The following CYP4V2 variants were observed in gnomAD, a reference collection of about 807,000 sequenced individuals.
CYP4V2 encodes the protein cytochrome P450 4V2.
CYP4V2 carries 55 observed loss-of-function variants against 60.8 expected under a neutral mutation model. That is an observed-to-expected ratio of 0.90 (90% CI 0.73 to 1.13). The LOEUF (loss-of-function observed/expected upper bound fraction) is 1.13. Among genes scored for constraint, CYP4V2 ranks in the 50% most tolerant of loss-of-function variants. The pLI is 0.00. For synonymous variants in CYP4V2, 239 were observed against 236.8 expected (o/e 1.01, Z -0.08); for missense variants, 675 against 662.9 (o/e 1.02, Z -0.20).
At chr4:186,200,737 C>T (rs1229443722) in intron 6 of CYP4V2, among the ~76,000 whole-genome samples, 1 of 152,138 alleles carries the variant, frequency 6.6e-6, no homozygotes, top group African/African-American at 2.4e-5. Flanking sequence ...AGGGTGAATT[C>T]ACTAATCTGC....
At chr4:186,197,941 C>T (rs972564564) in intron 5 of CYP4V2, among the ~76,000 whole-genome samples, 1 of 152,112 alleles carries the variant, frequency 6.6e-6, no homozygotes, top group Non-Finnish European at 1.5e-5. Flanking sequence ...TAGAAAAAAA[C>T]TAGCAGATAT....
chr4:186,198,121 T>C (rs1014232259), intron 5 of CYP4V2, among the ~76,000 whole-genome samples: 2 of 152,186 alleles, frequency 1.3e-5, no homozygotes, highest in African/African-American at 4.8e-5. Flanking sequence ...TATTCACCTG[T>C]TAAAAGGCAG....
At chr4:186,207,265 C>T (rs937122737) in intron 8 of CYP4V2, among the ~76,000 whole-genome samples, 4 of 151,516 alleles carry the variant, frequency 2.6e-5, no homozygotes, top group African/African-American at 7.3e-5. Flanking sequence ...AAAAATTAGC[C>T]GGGCATGGTG....
In CYP4V2 at chr4:186,191,724, G is replaced by C; in HGVS notation, c.-100G>C. 2 of 1,157,196 alleles carry C rather than the reference G, an allele frequency of 1.7e-6. No individual in the cohort carries two copies. Among genetic ancestry groups the C allele is most frequent in the African/African-American group, 3.2e-5 (2 of 61,736 alleles). The allele number at this position is 1,157,196 out of a possible 1,614,324, so 71.7% of individuals were successfully genotyped here. A position where few individuals can be genotyped will look rare whatever the true frequency, so the allele number is the denominator to read the frequency against. ...CCGCAGCGGGGAGCGCGCCAGGTCC[G>C]CGCGGGGAAGTGGGCGGTGTGCGGC... On this transcript the variant is annotated 5_prime_UTR_variant, in exon 1 of 11. Coordinates refer to ENST00000378802, the MANE Select transcript of CYP4V2 (RefSeq NM_207352.4).
rs758769153 is a variant in CYP4V2 at position 186,196,980 on chromosome 4, C to T, written c.454C>T (p.Pro152Ser). Residue 152 changes from proline (P) to serine (S), a missense_variant, in exon 4 of 11, where the codon CCC becomes TCC. Pro to Ser is a moderately conservative substitution (Grantham distance 74, BLOSUM62 -1). Coordinates refer to ENST00000378802, the MANE Select transcript of CYP4V2 (RefSeq NM_207352.4). Reference sequence around the variant, plus strand: ...GCGCTCCAGGAGAAAGATGTTAACACCCACTTTCCATTTTACCATTCTGGA... The same window carrying T: ...GCGCTCCAGGAGAAAGATGTTAACATCCACTTTCCATTTTACCATTCTGGA... Reference protein sequence around the residue: ...KWRSRRKMLTPTFHFTILEDF... With the variant: ...KWRSRRKMLTSTFHFTILEDF... The T allele has an allele frequency of 1.9e-6, 3 of 1,613,570 alleles. No individual in the cohort carries two copies. Among genetic ancestry groups the T allele is most frequent in the African/African-American group, 1.3e-5 (1 of 75,030 alleles).
rs1424176311 is a variant in CYP4V2 at position 186,210,616 on chromosome 4, A to G, written c.1553A>G (p.Lys518Arg). ...AGTAATGGCATCTGGATCAAGTTGA[A>G]GAGGAGAAATGCAGATGAACGCTAA... ...RPSNGIWIKL[K>R]RRNADER The change falls in exon 11 of 11, where the codon AAG becomes AGG. Residue 518 changes from lysine (K) to arginine (R), a missense_variant. Physicochemically the swap from Lys to Arg is conservative, Grantham distance 26. Transcript: ENST00000378802. The G allele has an allele frequency of 1.2e-6, 2 of 1,614,022 alleles. No homozygotes were observed. Among genetic ancestry groups the G allele is most frequent in the Non-Finnish European group, 1.7e-6 (2 of 1,180,032 alleles).
chr4:186,201,287 G>C lies in CYP4V2; in HGVS notation c.932G>C (p.Gly311Ala). The C allele has an allele frequency of 6.2e-7, 1 of 1,614,140 alleles. No homozygotes were observed. The highest frequency in any genetic ancestry group is 8.5e-7 in the Non-Finnish European group (1 of 1,180,038). Reference protein sequence around the residue: ...DLLLSVTDDEGNRLSHEDIRE... With the variant: ...DLLLSVTDDEANRLSHEDIRE... ...CTTTTAAGTGTGACTGATGACGAAG[G>C]GAACAGGCTAAGTCATGAAGATATT... Residue 311 changes from glycine (G) to alanine (A), a missense_variant, in exon 7 of 11, where the codon GGG (glycine) becomes GCG (alanine). By Grantham distance (60) the Gly-to-Ala change is moderately conservative (BLOSUM62 0). Coordinates refer to ENST00000378802, the MANE Select transcript of CYP4V2 (RefSeq NM_207352.4).
chr4:186,196,716 A>G (rs1736158183), intron 3 of CYP4V2: 1 of 540,860 alleles, frequency 1.8e-6, no homozygotes, highest in Admixed American at 3.5e-5. Context: ...GTATAGAACA[A>G]TGTCCAAAAT....
intron 5 of CYP4V2, among the ~76,000 whole-genome samples, chr4:186,198,324 C>T (rs1736215174): frequency 6.6e-6 from 1 of 152,166 alleles, no homozygotes; most frequent in African/African-American, 2.4e-5. Flanking sequence ...CAAAGAAATT[C>T]ATGAACTGTA....
chr4:186,209,900 T>C (rs560442868), intron 10 of CYP4V2, among the ~76,000 whole-genome samples: 4 of 152,224 alleles, frequency 2.6e-5, no homozygotes, highest in Admixed American at 6.5e-5. Context: ...CTTATTGTGG[T>C]AAAAACTTTA....
rs763092047 is a variant in CYP4V2, at chr4:186,210,647, T to C, written c.*6T>C. The C allele has an allele frequency of 8.7e-6, 14 of 1,614,042 alleles. No homozygotes were observed. The South Asian group carries it at 1.3e-4, about 15-fold the overall frequency. On this transcript the variant is annotated 3_prime_UTR_variant, in exon 11 of 11. Coordinates refer to ENST00000378802, the MANE Select transcript of CYP4V2 (RefSeq NM_207352.4). ...GAAATGCAGATGAACGCTAACTATA[T>C]TATTGGGTTGTGCCTTTATCATGAG...
intron 8 of CYP4V2, among the ~76,000 whole-genome samples, chr4:186,205,954 CAGGG>C (rs1320000003): frequency 2.0e-5 from 3 of 152,152 alleles, no homozygotes; most frequent in African/African-American, 4.8e-5. Context: ...AATCCACAGA[CAGGG>C]AGGTTCACAG....
chr4:186,199,389 A>G (rs556108307), intron 6 of CYP4V2, among the ~76,000 whole-genome samples: 21 of 152,376 alleles, frequency 1.4e-4, no homozygotes, highest in African/African-American at 4.6e-4. Context: ...GTCAACAAAT[A>G]TTAATTAAGT....
intron 8 of CYP4V2, among the ~76,000 whole-genome samples, chr4:186,206,014 TCAGTGTCATTGAGCC>T (rs1239384752): frequency 6.6e-6 from 1 of 152,134 alleles, no homozygotes; most frequent in East Asian, 1.9e-4. Flanking sequence ...GAGTCAAAGA[TCAGTGTCATTGAGCC>T]CACATCACCA....
intron 7 of CYP4V2, chr4:186,204,548 C>T (rs1183149787): frequency 5.5e-6 from 1 of 183,424 alleles, no homozygotes; most frequent in Admixed American, 5.4e-5. Flanking sequence ...ACGCCGCAGG[C>T]TCAGTTTCTG....
At position 186,192,025 on chromosome 4, in the gene CYP4V2, C is replaced by G; in HGVS notation, c.202C>G (p.Pro68Ala). ...GGTGGGCCACGCGCTGCTGATGAAG[C>G]CGGACGGGCGAGGTAAGGGCCGGCG... is the stretch of plus-strand genomic sequence containing the variant. ...PLVGHALLMK[P>A]DGREFFQQII... The change falls in exon 1 of 11, where the codon CCG becomes GCG. Residue 68 changes from proline (P) to alanine (A), a missense_variant. By Grantham distance (27) the Pro-to-Ala change is conservative. Transcript: ENST00000378802. 1 of 1,578,802 alleles carries G rather than the reference C, an allele frequency of 6.3e-7. No homozygotes were observed. The highest frequency in any genetic ancestry group is 8.6e-7 in the Non-Finnish European group (1 of 1,167,484).
Position 186,196,011 on chromosome 4 carries a change from A to G in CYP4V2, c.336A>G (p.Leu112=). The change falls in exon 3 of 11, where the codon TTA becomes TTG. Residue 112 remains leucine (L), a synonymous_variant. Transcript: ENST00000378802. The part of the protein sequence containing the change: ...LYNAENVEVI[L]TSSKQIDKSS... ...GTTTTTCTCTTCCTAAGGTAATTTTAACTAGTTCAAAGCAAATTGACAAAT... is the reference window on the plus strand; with the variant it reads ...GTTTTTCTCTTCCTAAGGTAATTTTGACTAGTTCAAAGCAAATTGACAAAT... 6.2e-7 allele frequency: 1 copy of G among 1,612,428 alleles called. No homozygotes were observed. The highest frequency in any genetic ancestry group is 8.5e-7 in the Non-Finnish European group (1 of 1,178,524).
chr4:186,204,284 G>A (rs1736417168), intron 7 of CYP4V2: 1 of 156,338 alleles, frequency 6.4e-6, no homozygotes, highest in Non-Finnish European at 1.4e-5. Context: ...CGGCGGTGGA[G>A]ACGCTACGCT....
In CYP4V2 at chr4:186,209,247, C is replaced by G. The variant is rs1208292023; in HGVS notation, c.1380C>G (p.Phe460Leu). The change falls in exon 10 of 11, where the codon TTC becomes TTG. Residue 460 changes from phenylalanine (F) to leucine (L), a missense_variant. Physicochemically the swap from Phe to Leu is conservative, Grantham distance 22 (BLOSUM62 0). Transcript: ENST00000378802. ...GCCATCCATATGCCTACGTGCCCTT[C>G]TCTGCTGGCCCCAGGAACTGTATAG... ...QGRHPYAYVP[F>L]SAGPRNCIGQ... 8 of 1,613,972 alleles carry G rather than the reference C, an allele frequency of 5.0e-6. No homozygotes were observed. Among genetic ancestry groups the G allele is most frequent in the Non-Finnish European group, 5.9e-6 (7 of 1,180,002 alleles).
Sources: allele counts gnomAD v4.1 joint callset (sites outside exome capture counted in the v4.1 genomes callset), GRCh38; gene constraint gnomAD v4.1.1; transcripts MANE v1.5; gene names NCBI Gene and HGNC (gene_info 2026-07-23, HGNC 2026-07-21).